The following FLVCR1 variants were observed in gnomAD, a reference collection of about 807,000 sequenced individuals.
FLVCR1 encodes the protein FLVCR choline and heme transporter 1.
A neutral mutation model predicts 53.6 loss-of-function variants in FLVCR1; 34 were observed. The ratio of observed to expected loss-of-function variants is 0.63; its 90% CI spans 0.48 to 0.84. The LOEUF (loss-of-function observed/expected upper bound fraction) is 0.84, where lower values mean the gene tolerates loss of function less well. Among genes scored for constraint, FLVCR1 ranks in the 40% least tolerant of loss-of-function variants. FLVCR1 has a pLI of 0.00. For synonymous variants in FLVCR1, 300 were observed against 286.3 expected, an observed-to-expected ratio of 1.05 and a Z score of -0.48; for missense variants, 677 against 696.7, an observed-to-expected ratio of 0.97 and a Z score of 0.32.
rs537549970 is a variant in FLVCR1 at position 212,897,959 on chromosome 1, A to T, written c.*2669A>T. Reference sequence around the variant, plus strand: ...TTATAACATTCTCTATAATCAAGTGACTGTAAATTATGTCGAATCTGACCC... The same window carrying T: ...TTATAACATTCTCTATAATCAAGTGTCTGTAAATTATGTCGAATCTGACCC... On this transcript the variant is annotated 3_prime_UTR_variant, in exon 10 of 10. Coordinates refer to ENST00000366971, the MANE Select transcript of FLVCR1 (RefSeq NM_014053.4). 1 of 152,188 alleles carries T rather than the reference A, an allele frequency of 6.6e-6. No individual in the cohort carries two copies. Among genetic ancestry groups the T allele is most frequent in the Non-Finnish European group, 1.5e-5 (1 of 68,030 alleles). 9.4% of individuals were successfully genotyped at this position (152,188 alleles called of 1,614,324 possible). A position where few individuals can be genotyped will look rare whatever the true frequency, so the allele number is the denominator to read the frequency against.
rs1455998458 is a variant in FLVCR1, at chr1:212,884,945, G to A, written c.1093-348G>A. Among the ~76,000 whole-genome samples, 3 of 152,162 alleles carry A rather than the reference G, an allele frequency of 2.0e-5. 1 individual carries two copies. In the East Asian group the frequency reaches 5.8e-4, roughly 29 times the overall value. On this transcript the variant is annotated intron_variant, in intron 4 of 9. Transcript: ENST00000366971. ...TATTATAATCTTACAGGATCATACT[G>A]TATATATGATTCAGAGTTGACCTAA...
At chr1:212,860,651 A>G (rs1664207109) in intron 1 of FLVCR1, among the ~76,000 whole-genome samples, 1 of 152,058 alleles carries the variant, frequency 6.6e-6, no homozygotes, top group Non-Finnish European at 1.5e-5. Context: ...TATTGTTTAC[A>G]TGTTCATATG....
chr1:212,866,808 A>G (rs1205620884), intron 2 of FLVCR1, among the ~76,000 whole-genome samples: 2 of 152,204 alleles, frequency 1.3e-5, no homozygotes, highest in Admixed American at 6.5e-5. Context: ...CTCTTTGTCA[A>G]CTTTTGCTTG....
chr1:212,882,426 A>C (rs1664954811), intron 3 of FLVCR1, among the ~76,000 whole-genome samples: 1 of 152,142 alleles, frequency 6.6e-6, no homozygotes, highest in Non-Finnish European at 1.5e-5. Flanking sequence ...GAATACTTCT[A>C]ATTGTTTATG....
intron 3 of FLVCR1, among the ~76,000 whole-genome samples, chr1:212,875,012 G>A (rs192247060): frequency 8.6e-5 from 13 of 151,774 alleles, no homozygotes; most frequent in Admixed American, 3.9e-4. Flanking sequence ...TTCTTTTACC[G>A]GAAATGTGCT....
At position 212,886,042 on chromosome 1, in the gene FLVCR1, C is replaced by CTTTTTTT. The variant is rs5780703; in HGVS notation, c.1196+658_1196+664dup. Reference sequence around the variant, plus strand: ...GACTTTTGATAGACTTTATCTTGTTCTTTTTTTTTTTTTTTTTTAGGTGGG... The same window carrying CTTTTTTT: ...GACTTTTGATAGACTTTATCTTGTTCTTTTTTTTTTTTTTTTTTTTTTTTTAGGTGGG... On this transcript the variant is annotated intron_variant, in intron 5 of 9. Transcript: ENST00000366971. 4.4e-3 allele frequency among the ~76,000 whole-genome samples: 528 copies of CTTTTTTT among 121,086 alleles called. 28 individuals carry two copies. Among genetic ancestry groups the CTTTTTTT allele is most frequent in the African/African-American group, 0.016 (492 of 30,982 alleles). 79.4% of individuals were successfully genotyped at this position (121,086 alleles called of 152,430 possible). A position where few individuals can be genotyped will look rare whatever the true frequency, so the allele number is the denominator to read the frequency against.
intron 4 of FLVCR1, among the ~76,000 whole-genome samples, chr1:212,883,735 C>T (rs983416745): frequency 1.3e-5 from 2 of 151,744 alleles, no homozygotes; most frequent in African/African-American, 2.4e-5. Flanking sequence ...CTGAAGAAAG[C>T]AGAAACAAGG....
Position 212,858,563 on chromosome 1 carries a change from G to A in FLVCR1, c.111G>A (p.Glu37=). The A allele has an allele frequency of 6.8e-7, 1 of 1,480,906 alleles. No individual in the cohort carries two copies. Among genetic ancestry groups the A allele is most frequent in the Non-Finnish European group, 9.0e-7 (1 of 1,116,292 alleles). The allele number at this position is 1,480,906 out of a possible 1,614,324, so 91.7% of individuals were successfully genotyped here. Residue 37 remains glutamate, a synonymous_variant, in exon 1 of 10, where the codon GAG becomes GAA. Transcript: ENST00000366971. The part of the protein sequence containing the change: ...RGAPVGKESV[E]LQNGPKAGTF... ...CGCCCGTTGGGAAGGAGAGCGTGGAGCTGCAGAACGGGCCCAAAGCGGGCA... is the reference window on the plus strand; with the variant it reads ...CGCCCGTTGGGAAGGAGAGCGTGGAACTGCAGAACGGGCCCAAAGCGGGCA...
intron 1 of FLVCR1, among the ~76,000 whole-genome samples, chr1:212,862,818 A>AT (rs1181639033): frequency 2.6e-4 from 39 of 152,140 alleles, no homozygotes; most frequent in African/African-American, 8.9e-4. Flanking sequence ...AAGGGTTCCA[A>AT]TTTTTCCACA....
intron 3 of FLVCR1, among the ~76,000 whole-genome samples, chr1:212,875,789 T>C (rs922494656): frequency 6.6e-5 from 10 of 150,462 alleles, no homozygotes; most frequent in African/African-American, 2.4e-4. Context: ...TGCAGTAAGC[T>C]GAGATCGTGC....
In FLVCR1 at chr1:212,858,406, TC is replaced by T; in HGVS notation, c.-46del. 3 of 1,406,588 alleles carry T rather than the reference TC, an allele frequency of 2.1e-6. No homozygotes were observed. Among genetic ancestry groups the T allele is most frequent in the Non-Finnish European group, 2.8e-6 (3 of 1,080,310 alleles). The allele number at this position is 1,406,588 out of a possible 1,614,324, so 87.1% of individuals were successfully genotyped here. On this transcript the variant is annotated 5_prime_UTR_variant, in exon 1 of 10. Coordinates refer to ENST00000366971, the MANE Select transcript of FLVCR1 (RefSeq NM_014053.4). Reference sequence around the variant, plus strand: ...CGGGCTGTGGGCCGGGAGAGCGGAGTCGGGGAGTGGGGCGGGGGAGCGAGGT... The same window carrying T: ...CGGGCTGTGGGCCGGGAGAGCGGAGTGGGGAGTGGGGCGGGGGAGCGAGGT...
chr1:212,884,590 G>A (rs1024027061), intron 4 of FLVCR1, among the ~76,000 whole-genome samples: 1 of 152,170 alleles, frequency 6.6e-6, no homozygotes, highest in African/African-American at 2.4e-5. Context: ...ATCTGCTTTT[G>A]AAAGGATAAA....
chr1:212,894,494 GTC>G (rs1665283496), intron 8 of FLVCR1, among the ~76,000 whole-genome samples: 1 of 152,166 alleles, frequency 6.6e-6, no homozygotes, highest in Admixed American at 6.6e-5. Context: ...AACCCACAAT[GTC>G]TCTGAGATAT....
At position 212,896,071 on chromosome 1, in the gene FLVCR1, T is replaced by G. The variant is rs1323891480; in HGVS notation, c.*781T>G. The stretch of plus-strand genomic sequence containing the variant: ...TGGATAAATGCTAACGCTGTATTTT[T>G]TCACTCCAACTTGAGATAGAGTAGT... On this transcript the variant is annotated 3_prime_UTR_variant, in exon 10 of 10. Coordinates refer to ENST00000366971, the MANE Select transcript of FLVCR1 (RefSeq NM_014053.4). 1 of 152,212 alleles carries G rather than the reference T, an allele frequency of 6.6e-6. No individual in the cohort carries two copies. Among genetic ancestry groups the G allele is most frequent in the Non-Finnish European group, 1.5e-5 (1 of 68,026 alleles). The allele number at this position is 152,212 out of a possible 1,614,324, so 9.4% of individuals were successfully genotyped here.
At position 212,896,060 on chromosome 1, in the gene FLVCR1, C is replaced by T. The variant is rs752240223; in HGVS notation, c.*770C>T. On this transcript the variant is annotated 3_prime_UTR_variant, in exon 10 of 10. Transcript: ENST00000366971. ...CCTTTCTATCATGGATAAATGCTAA[C>T]GCTGTATTTTTTCACTCCAACTTGA... 5 of 151,884 alleles carry T rather than the reference C, an allele frequency of 3.3e-5. No individual in the cohort carries two copies. The highest frequency in any genetic ancestry group is 6.6e-5 in the Admixed American group (1 of 15,248). The allele number at this position is 151,884 out of a possible 1,614,324, so 9.4% of individuals were successfully genotyped here.
intron 8 of FLVCR1, among the ~76,000 whole-genome samples, chr1:212,891,135 G>T (rs907918687): frequency 6.6e-6 from 1 of 152,168 alleles, no homozygotes; most frequent in Non-Finnish European, 1.5e-5. Context: ...TTGGCTGGAC[G>T]TGGTGGCTCA....
chr1:212,861,663 T>TTTTA (rs1054076509), intron 1 of FLVCR1, among the ~76,000 whole-genome samples: 16 of 151,950 alleles, frequency 1.1e-4, no homozygotes, highest in South Asian at 2.1e-4. Flanking sequence ...TTTGTTTTAT[T>TTTTA]TTTATTTATT....
chr1:212,884,433 A>C (rs41300033), intron 4 of FLVCR1, among the ~76,000 whole-genome samples: 1 of 152,166 alleles, frequency 6.6e-6, no homozygotes, highest in Admixed American at 6.5e-5. Flanking sequence ...CACACACACA[A>C]TATGGAAAGC....
At chr1:212,890,598 T>C (rs1163063363) in intron 8 of FLVCR1, among the ~76,000 whole-genome samples, 1 of 152,202 alleles carries the variant, frequency 6.6e-6, no homozygotes, top group African/African-American at 2.4e-5. Flanking sequence ...CACCATTTCA[T>C]ATAAAGGCCT....
Sources: allele counts gnomAD v4.1 joint callset (sites outside exome capture counted in the v4.1 genomes callset), GRCh38; gene constraint gnomAD v4.1.1; transcripts MANE v1.5; gene names NCBI Gene and HGNC (gene_info 2026-07-23, HGNC 2026-07-21).